SIPA1L1: variants seen among roughly 807,000 people sequenced by gnomAD.
SIPA1L1 encodes the protein signal induced proliferation associated 1 like 1, also known as signal-induced proliferation-associated 1-like protein 1.
In SIPA1L1, 26 loss-of-function variants were observed where a neutral mutation model predicts 162.7. The ratio of observed to expected loss-of-function variants is 0.16; its 90% CI spans 0.12 to 0.22. The LOEUF is 0.22. Ranked by LOEUF, SIPA1L1 falls within the 10% of genes least tolerant of loss-of-function variation. The pLI is 1.00. For synonymous variants in SIPA1L1, 829 were observed against 837.4 expected (o/e 0.99, Z 0.17); for missense variants, 1,874 against 2,241.0 (o/e 0.84, Z 3.31).
At chr14:71,462,792 G>C (rs546106146) in intron 2 of SIPA1L1, among the ~76,000 whole-genome samples, 13 of 152,332 alleles carry the variant, frequency 8.5e-5, no homozygotes, top group African/African-American at 3.1e-4. Context: ...AGTGATCAAG[G>C]TCTCTCCGAA....
chr14:71,416,766 C>T (rs116956256), intron 2 of SIPA1L1, among the ~76,000 whole-genome samples: 259 of 152,028 alleles, frequency 1.7e-3, no homozygotes, highest in Non-Finnish European at 2.5e-3. Context: ...TGCACACACA[C>T]ACAACCTTGT....
chr14:71,404,815 G>C (rs1204929206), intron 2 of SIPA1L1, among the ~76,000 whole-genome samples: 1 of 152,118 alleles, frequency 6.6e-6, no homozygotes, highest in Non-Finnish European at 1.5e-5. Flanking sequence ...AATTCCTTGG[G>C]CACCATTAAA....
chr14:71,732,288 C>G (rs115911975), intron 20 of SIPA1L1, among the ~76,000 whole-genome samples: 83 of 152,306 alleles, frequency 5.4e-4, no homozygotes, highest in African/African-American at 1.8e-3. Context: ...TTTCTGGAGT[C>G]ACTTAAATAT....
intron 13 of SIPA1L1, among the ~76,000 whole-genome samples, chr14:71,698,083 A>G (rs1033808744): frequency 2.0e-5 from 3 of 151,812 alleles, no homozygotes; most frequent in Non-Finnish European, 2.9e-5. Context: ...AATGGAAATG[A>G]CCTCCCCTGC....
intron 2 of SIPA1L1, among the ~76,000 whole-genome samples, chr14:71,412,436 G>A (rs1156262504): frequency 1.3e-5 from 2 of 152,120 alleles, no homozygotes; most frequent in Admixed American, 6.5e-5. Context: ...TTTTACCCAC[G>A]GTTTTCTTCT....
intron 5 of SIPA1L1, among the ~76,000 whole-genome samples, chr14:71,590,865 T>G (rs2035295015): frequency 6.6e-6 from 1 of 152,216 alleles, no homozygotes; most frequent in South Asian, 2.1e-4. Flanking sequence ...GGATGTAGGA[T>G]GCTTAGCAGC....
Position 71,588,735 on chromosome 14 carries a change from C to T in SIPA1L1, c.863C>T (p.Ser288Phe). The change falls in exon 5 of 24, where the codon TCT becomes TTT. Residue 288 changes from serine (S) to phenylalanine (F), a missense_variant. Ser to Phe is a radical substitution (Grantham distance 155). This residue lies in a region of SIPA1L1 where 685 missense variants were observed against 828.0 expected (regional missense o/e 0.83). Transcript: ENST00000381232. The surrounding 1 kb of genome is among the most constrained non-coding windows in gnomAD (Gnocchi z 4.3). ...REKPLKRRSK[S>F]ETGDSSIFRK... ...AAACCACTCAAGCGACGTTCAAAAT[C>T]TGAAACTGGAGACTCATCTATTTTT... 6 of 1,614,056 alleles carry T rather than the reference C, an allele frequency of 3.7e-6. No homozygotes were observed. Among genetic ancestry groups the T allele is most frequent in the Non-Finnish European group, 5.1e-6 (6 of 1,179,986 alleles).
chr14:71,723,941 T>C (rs905542510), intron 18 of SIPA1L1, 55 bp downstream of exon 18: 5 of 1,603,652 alleles, frequency 3.1e-6, no homozygotes, highest in Non-Finnish European at 4.3e-6. Context: ...GGACAGAGAA[T>C]AGAAAAGCTT....
rs190629880 is a variant in SIPA1L1 at position 71,557,104 on chromosome 14, A to G, written c.-303+27734A>G. On this transcript the variant is annotated intron_variant, in intron 4 of 23. Transcript: ENST00000381232. ...AAACCAATATAGCTATCATAACACC[A>G]TACCCATTAATACTTCTTTTCCCAT... Among the ~76,000 whole-genome samples, 391 of 152,268 alleles carry G rather than the reference A, an allele frequency of 2.6e-3. 1 individual carries two copies. The highest frequency in any genetic ancestry group is 8.5e-3 in the African/African-American group (353 of 41,550).
intron 13 of SIPA1L1, among the ~76,000 whole-genome samples, chr14:71,693,068 C>T (rs1402039647): frequency 6.6e-6 from 1 of 152,182 alleles, no homozygotes; most frequent in Non-Finnish European, 1.5e-5. Context: ...ACCCAAAATG[C>T]TTGAACCAGA....
intron 10 of SIPA1L1, among the ~76,000 whole-genome samples, chr14:71,662,072 G>A (rs550970053): frequency 6.6e-6 from 1 of 152,230 alleles, no homozygotes; most frequent in African/African-American, 2.4e-5. Context: ...TGTCACGCTA[G>A]CTCGATAGGG....
chr14:71,481,444 A>G (rs1414923531), intron 2 of SIPA1L1, among the ~76,000 whole-genome samples: 2 of 152,152 alleles, frequency 1.3e-5, no homozygotes, highest in African/African-American at 4.8e-5. Flanking sequence ...GCTCCATTGC[A>G]CACCAGTTGC....
chr14:71,556,039 A>G (rs569125790), intron 4 of SIPA1L1, among the ~76,000 whole-genome samples: 2 of 152,350 alleles, frequency 1.3e-5, no homozygotes, highest in South Asian at 4.1e-4. Flanking sequence ...GGAAGTGAGC[A>G]CATGCTGTTG....
At chr14:71,400,438 T>C (rs2041582930) in intron 2 of SIPA1L1, among the ~76,000 whole-genome samples, 1 of 152,124 alleles carries the variant, frequency 6.6e-6, no homozygotes, top group Admixed American at 6.5e-5. Flanking sequence ...TATGGCACTT[T>C]TTATGAATTC....
intron 5 of SIPA1L1, among the ~76,000 whole-genome samples, chr14:71,594,529 C>T (rs1473709499): frequency 6.6e-6 from 1 of 152,054 alleles, no homozygotes; most frequent in Non-Finnish European, 1.5e-5. Flanking sequence ...TATAATTATT[C>T]TACTTCTAGT....
At chr14:71,605,188 T>C (rs1280030370) in intron 5 of SIPA1L1, among the ~76,000 whole-genome samples, 2 of 152,146 alleles carry the variant, frequency 1.3e-5, no homozygotes, top group Non-Finnish European at 2.9e-5. Context: ...TTCAAATGTA[T>C]TTTGTATTTC....
chr14:71,459,460 G>T (rs2046428904), intron 2 of SIPA1L1, among the ~76,000 whole-genome samples: 1 of 144,028 alleles, frequency 6.9e-6, no homozygotes, highest in Non-Finnish European at 1.5e-5. Context: ...TATCCATCCA[G>T]AGAGAGAGAG....
chr14:71,577,069 CA>C (rs747771194), intron 4 of SIPA1L1, among the ~76,000 whole-genome samples: 167 of 111,532 alleles, frequency 1.5e-3, no homozygotes, highest in East Asian at 7.6e-3. Flanking sequence ...GGTGACAGAG[CA>C]AAAAAAAAAA....
rs1236361223 is a variant in SIPA1L1 at position 71,598,276 on chromosome 14, G to A, written c.1498+8906G>A. On this transcript the variant is annotated intron_variant, in intron 5 of 23. Coordinates refer to ENST00000381232, the MANE Select transcript of SIPA1L1 (RefSeq NM_001386936.1). ...ACACAACTGATGGAAGCTAAAATCA[G>A]TGAATGACTGTTTCAGGAGAAATGG... The A allele has an allele frequency of 5.3e-6, 5 of 946,810 alleles. No individual in the cohort carries two copies. The African/African-American group carries it at 8.9e-5, about 17-fold the overall frequency. 58.7% of individuals were successfully genotyped at this position (946,810 alleles called of 1,614,324 possible). A position where few individuals can be genotyped will look rare whatever the true frequency, so the allele number is the denominator to read the frequency against.
Sources: allele counts gnomAD v4.1 joint callset (sites outside exome capture counted in the v4.1 genomes callset), GRCh38; gene constraint gnomAD v4.1.1; regional missense constraint gnomAD v4.1.1; non-coding constraint Gnocchi (gnomAD v3.1); transcripts MANE v1.5; gene names NCBI Gene and HGNC (gene_info 2026-07-23, HGNC 2026-07-21).